Variants in TJP1 observed in about 807,000 individuals in gnomAD.
TJP1 encodes tight junction protein 1.
A neutral mutation model predicts 194.2 loss-of-function variants in TJP1; 43 were observed. The ratio of observed to expected loss-of-function variants is 0.22; its 90% CI spans 0.17 to 0.29. TJP1 has a LOEUF of 0.29. Ranked by LOEUF, TJP1 falls within the 10% of genes least tolerant of loss-of-function variation. The pLI, the probability that TJP1 is intolerant of heterozygous loss-of-function variation, is 1.00. For synonymous variants in TJP1, 801 were observed against 779.0 expected, an observed-to-expected ratio of 1.03 and a Z score of -0.47; for missense variants, 1,971 against 2,185.7, an observed-to-expected ratio of 0.90 and a Z score of 1.96.
intron 1 of TJP1, among the ~76,000 whole-genome samples, chr15:29,810,682 AG>A (rs765991025): frequency 1.3e-5 from 2 of 152,194 alleles, no homozygotes; most frequent in Non-Finnish European, 2.9e-5. Flanking sequence ...AGTGCTATAA[AG>A]GGGTACACAG....
At chr15:29,905,149 G>C (rs562397737) in intron 2 of TJP1, among the ~76,000 whole-genome samples, 1 of 152,308 alleles carries the variant, frequency 6.6e-6, no homozygotes, top group South Asian at 2.1e-4. Flanking sequence ...ATTACTGAGA[G>C]TGTGAAAAGT....
intron 1 of TJP1, chr15:29,968,232 G>C (rs187590272): frequency 3.0e-6 from 3 of 985,380 alleles, no homozygotes; most frequent in Non-Finnish European, 3.6e-6. Context: ...AGCAGCAGAC[G>C]AATTTTTGGA....
chr15:29,954,150 A>C (rs1446953119), intron 2 of TJP1, among the ~76,000 whole-genome samples: 1 of 152,218 alleles, frequency 6.6e-6, no homozygotes, highest in East Asian at 1.9e-4. Flanking sequence ...CTTCAACCAG[A>C]TCAATTCTTT....
intron 2 of TJP1, among the ~76,000 whole-genome samples, chr15:29,865,346 C>T (rs1053317107): frequency 3.3e-5 from 5 of 152,168 alleles, no homozygotes; most frequent in African/African-American, 1.2e-4. Context: ...GTAAACTCTG[C>T]AGTTTATTCC....
intron 2 of TJP1, among the ~76,000 whole-genome samples, chr15:29,834,637 ATAAT>A (rs2050965329): frequency 6.6e-6 from 1 of 152,256 alleles, no homozygotes; most frequent in Non-Finnish European, 1.5e-5. Flanking sequence ...ACACAAAAAG[ATAAT>A]TAAATATGGT....
intron 2 of TJP1, among the ~76,000 whole-genome samples, chr15:29,942,325 C>T (rs183668030): frequency 6.6e-6 from 1 of 152,282 alleles, no homozygotes; most frequent in African/African-American, 2.4e-5. Context: ...GCTGCAAAAC[C>T]GATCCAGAAA....
intron 8 of TJP1, among the ~76,000 whole-genome samples, chr15:29,757,402 CA>C (rs901220275): frequency 6.6e-6 from 1 of 151,662 alleles, no homozygotes; most frequent in Admixed American, 6.6e-5. Flanking sequence ...ATTTGTAAAA[CA>C]AAAAGACACT....
At chr15:29,749,275 T>C (rs1189208484) in intron 8 of TJP1, among the ~76,000 whole-genome samples, 1 of 152,126 alleles carries the variant, frequency 6.6e-6, no homozygotes, top group Non-Finnish European at 1.5e-5. Flanking sequence ...AAGGAGTCTC[T>C]GAGAGAGATT....
At chr15:29,748,653 G>A (rs976032805) in intron 8 of TJP1, among the ~76,000 whole-genome samples, 1 of 134,080 alleles carries the variant, frequency 7.5e-6, no homozygotes, top group East Asian at 2.3e-4. Context: ...CTTCACTGCA[G>A]CCTCAACCTC....
At chr15:29,726,516 G>A (rs900610058) in intron 17 of TJP1, 37 bp from the exon 18 acceptor site, 49 of 1,585,888 alleles carry the variant, frequency 3.1e-5, no homozygotes, top group Non-Finnish European at 4.2e-5. Flanking sequence ...TATGGTTAGA[G>A]CACTGCCAAA....
intron 2 of TJP1, among the ~76,000 whole-genome samples, chr15:29,863,238 G>A (rs2052163200): frequency 6.6e-6 from 1 of 151,990 alleles, no homozygotes; most frequent in South Asian, 2.1e-4. Context: ...GGATGTTGCA[G>A]TGAGCCCAGA....
chr15:29,968,287 T>G lies in TJP1; in HGVS notation c.173+380A>C, dbSNP rs1485456984. On this transcript the variant is annotated intron_variant, in intron 1 of 28. Transcript: ENST00000356107. ...CCGTGATACCAATGAATTCTTCTGC[T>G]GTCTCCGCGAGAGCCTGGCTGGAAA... 3.0e-6 allele frequency: 3 copies of G among 985,252 alleles called. No individual in the cohort carries two copies. In the East Asian group the frequency reaches 3.4e-4, roughly 112 times the overall value. The allele number at this position is 985,252 out of a possible 1,614,324, so 61.0% of individuals were successfully genotyped here.
chr15:29,918,240 C>T (rs189729981), intron 2 of TJP1, among the ~76,000 whole-genome samples: 54 of 152,254 alleles, frequency 3.5e-4, no homozygotes, highest in African/African-American at 1.2e-3. Context: ...TCAGTGGGCA[C>T]CTGGGTTGCT....
intron 2 of TJP1, among the ~76,000 whole-genome samples, chr15:29,872,686 C>T (rs765131603): frequency 6.6e-6 from 1 of 152,210 alleles, no homozygotes; most frequent in Non-Finnish European, 1.5e-5. Context: ...TTAGAAGCAT[C>T]TACTGCATTC....
chr15:29,875,589 T>C (rs1567156441), intron 2 of TJP1, among the ~76,000 whole-genome samples: 3 of 152,148 alleles, frequency 2.0e-5, no homozygotes, highest in African/African-American at 4.8e-5. Flanking sequence ...TTTTCTGAGA[T>C]GGTGTCCTGC....
At chr15:29,867,059 A>G in intron 2 of TJP1, among the ~76,000 whole-genome samples, 1 of 152,248 alleles carries the variant, frequency 6.6e-6, no homozygotes, top group South Asian at 2.1e-4. Context: ...GTTCTCCTGC[A>G]GAATCCATTG....
chr15:29,761,789 A>G lies in TJP1; in HGVS notation c.694-20T>C, dbSNP rs772040091. The G allele has an allele frequency of 4.0e-6, 6 of 1,516,674 alleles. No homozygotes were observed. Among genetic ancestry groups the G allele is most frequent in the Non-Finnish European group, 5.4e-6 (6 of 1,119,010 alleles). The allele number at this position is 1,516,674 out of a possible 1,614,324, so 94.0% of individuals were successfully genotyped here. On this transcript the variant is annotated intron_variant, in intron 6 of 27. Transcript: ENST00000614355. Reference sequence around the variant, plus strand: ...ATTTATCTGCAACAGAAAATAAATTACAGCTTGAAAGTAAATAATAAAATA... The same window carrying G: ...ATTTATCTGCAACAGAAAATAAATTGCAGCTTGAAAGTAAATAATAAAATA...
At chr15:29,867,634 A>G (rs2052353336) in intron 2 of TJP1, among the ~76,000 whole-genome samples, 1 of 152,188 alleles carries the variant, frequency 6.6e-6, no homozygotes, top group South Asian at 2.1e-4. Context: ...TTGGCTGGGC[A>G]TGGTGGCTCA....
At chr15:29,932,221 GAC>G (rs2054740933) in intron 2 of TJP1, among the ~76,000 whole-genome samples, 1 of 152,160 alleles carries the variant, frequency 6.6e-6, no homozygotes, top group Non-Finnish European at 1.5e-5. Context: ...ACACGTCTCT[GAC>G]AATACCAGCT....
Sources: allele counts gnomAD v4.1 joint callset (sites outside exome capture counted in the v4.1 genomes callset), GRCh38; gene constraint gnomAD v4.1.1; transcripts MANE v1.5; gene names NCBI Gene and HGNC (gene_info 2026-07-23, HGNC 2026-07-21).